The following IL17A variants were observed in gnomAD, a reference collection of about 807,000 sequenced individuals.
IL17A encodes interleukin 17A.
A neutral mutation model predicts 7.2 loss-of-function variants in IL17A; 1 was observed. That is an observed-to-expected ratio of 0.14 (90% CI 0.05 to 0.66). IL17A has a LOEUF of 0.66. Among genes scored for constraint, IL17A ranks in the 30% least tolerant of loss-of-function variants. The pLI is 0.84. For synonymous variants in IL17A, 90 were observed against 77.7 expected (o/e 1.16, Z -0.83); for missense variants, 191 against 197.1 (o/e 0.97, Z 0.18).
At chr6:52,188,909 C>A (rs1011001684) in intron 2 of IL17A, 146 bp from the exon 3 acceptor site, 3 of 523,760 alleles carry the variant, frequency 5.7e-6, no homozygotes, top group Non-Finnish European at 6.7e-6. Context: ...CCCCAAAGTT[C>A]TTCTTCAAAC....
At chr6:52,187,997 C>A (rs1483287536) in intron 2 of IL17A, among the ~76,000 whole-genome samples, 192 bp downstream of exon 2, 1 of 152,140 alleles carries the variant, frequency 6.6e-6, no homozygotes, top group Non-Finnish European at 1.5e-5. Context: ...CTCCAATAAT[C>A]CCTATCCTGT....
At position 52,186,465 on chromosome 6, in the gene IL17A, C is replaced by G. The variant is rs1226942213; in HGVS notation, c.27+7C>G. The G allele has an allele frequency of 6.2e-7, 1 of 1,613,758 alleles. No homozygotes were observed. The highest frequency in any genetic ancestry group is 1.1e-5 in the South Asian group (1 of 91,034). ...TGGGAAGACCTCATTGGTGGTGAGT[C>G]CTGCACTAACGTGCGATGCTCTTGC... On this transcript the variant is annotated splice_region_variant and intron_variant, in intron 1 of 2. Coordinates refer to ENST00000648244, the MANE Select transcript of IL17A (RefSeq NM_002190.3).
intron 1 of IL17A, 60 bp from the exon 2 acceptor site, chr6:52,187,543 A>G: frequency 7.4e-7 from 1 of 1,351,472 alleles, no homozygotes; most frequent in Non-Finnish European, 1.1e-6. Flanking sequence ...TTAATTTGTC[A>G]AAAAGAACCA....
At chr6:52,188,331 C>T (rs1763318900) in intron 2 of IL17A, among the ~76,000 whole-genome samples, 1 of 152,170 alleles carries the variant, frequency 6.6e-6, no homozygotes, top group Admixed American at 6.5e-5. Context: ...TTGCTGTATC[C>T]TTAGTATACC....
At chr6:52,188,658 G>A (rs1368535990) in intron 2 of IL17A, among the ~76,000 whole-genome samples, 2 of 152,196 alleles carry the variant, frequency 1.3e-5, no homozygotes, top group East Asian at 1.9e-4. Context: ...TTCAAAGACA[G>A]ACTTCATCAA....
Position 52,189,428 on chromosome 6 carries a change from T to C in IL17A, c.*136T>C. The C allele has an allele frequency of 1.6e-6, 1 of 628,760 alleles. No individual in the cohort carries two copies. Among genetic ancestry groups the C allele is most frequent in the Non-Finnish European group, 2.7e-6 (1 of 364,554 alleles). The allele number at this position is 628,760 out of a possible 1,614,324, so 38.9% of individuals were successfully genotyped here. On this transcript the variant is annotated 3_prime_UTR_variant, in exon 3 of 3. Transcript: ENST00000648244. ...AGAGTTCTTAAGGCAGTTTGTCCAA[T>C]TAAAGCTTCAGAGGTAACACTTGGC...
chr6:52,186,430 C>T lies in IL17A; in HGVS notation c.-2C>T, dbSNP rs763918114. 5.0e-6 allele frequency: 8 copies of T among 1,613,780 alleles called. No homozygotes were observed. Among genetic ancestry groups the T allele is most frequent in the South Asian group, 2.2e-5 (2 of 91,080 alleles). ...ATCCCCAGTTGATTGGAAGAAACAACGATGACTCCTGGGAAGACCTCATTG... is the reference window on the plus strand; with the variant it reads ...ATCCCCAGTTGATTGGAAGAAACAATGATGACTCCTGGGAAGACCTCATTG... On this transcript the variant is annotated 5_prime_UTR_variant, in exon 1 of 3. In the 5' UTR this introduces an upstream ATG that the reference lacks. Coordinates refer to ENST00000648244, the MANE Select transcript of IL17A (RefSeq NM_002190.3).
At position 52,189,139 on chromosome 6, in the gene IL17A, C is replaced by G; in HGVS notation, c.315C>G (p.Asn105Lys). ...TGGGCTGCATCAACGCTGATGGGAA[C>G]GTGGACTACCACATGAACTCTGTCC... ...RHLGCINADG[N>K]VDYHMNSVPI... The change falls in exon 3 of 3, where the codon AAC becomes AAG. Residue 105 changes from asparagine (N) to lysine (K), a missense_variant. Transcript: ENST00000648244. 1 of 1,614,130 alleles carries G rather than the reference C, an allele frequency of 6.2e-7. No individual in the cohort carries two copies. Among genetic ancestry groups the G allele is most frequent in the Non-Finnish European group, 8.5e-7 (1 of 1,179,994 alleles).
Position 52,189,006 on chromosome 6 carries a change from C to T in IL17A, c.231-49C>T, listed in dbSNP as rs543095230. On this transcript the variant is annotated intron_variant, in intron 2 of 2. Transcript: ENST00000648244. ...CATGTATTCCTGTTTTATTTCTTTCCCACTTTACCAGGAATTCACTTTCCT... is the reference window on the plus strand; with the variant it reads ...CATGTATTCCTGTTTTATTTCTTTCTCACTTTACCAGGAATTCACTTTCCT... 1.4e-5 allele frequency: 19 copies of T among 1,403,130 alleles called. No homozygotes were observed. The East Asian group carries it at 3.9e-4, about 29-fold the overall frequency. The allele number at this position is 1,403,130 out of a possible 1,614,324, so 86.9% of individuals were successfully genotyped here. A position where few individuals can be genotyped will look rare whatever the true frequency, so the allele number is the denominator to read the frequency against.
intron 1 of IL17A, among the ~76,000 whole-genome samples, chr6:52,186,950 AT>A (rs1763295616): frequency 6.6e-6 from 1 of 152,176 alleles, no homozygotes; most frequent in African/African-American, 2.4e-5. Context: ...TGGGGTTTAT[AT>A]TTTTTAAATA....
At position 52,189,057 on chromosome 6, in the gene IL17A, G is replaced by A. The variant is rs760902102; in HGVS notation, c.233G>A (p.Arg78His). Residue 78 changes from arginine (R) to histidine (H), a missense_variant and splice_region_variant, in exon 3 of 3, where the codon CGC (arginine) becomes CAC (histidine). Transcript: ENST00000648244. ...NRSTSPWNLH[R>H]NEDPERYPSV... ...CCTGATTTTTCTCCCCTCTGCAGCC[G>A]CAATGAGGACCCTGAGAGATATCCC... 49 of 1,607,462 alleles carry A rather than the reference G, an allele frequency of 3.0e-5. No homozygotes were observed. In the Admixed American group the frequency reaches 4.2e-4, roughly 14 times the overall value.
At chr6:52,188,362 G>C (rs1763319291) in intron 2 of IL17A, among the ~76,000 whole-genome samples, 1 of 152,100 alleles carries the variant, frequency 6.6e-6, no homozygotes, top group African/African-American at 2.4e-5. Context: ...ACCCCATCAA[G>C]GGTTAAATAC....
chr6:52,187,285 G>T (rs1318573899), intron 1 of IL17A, among the ~76,000 whole-genome samples: 1 of 152,178 alleles, frequency 6.6e-6, no homozygotes, highest in Non-Finnish European at 1.5e-5. Flanking sequence ...TGCATGTGCT[G>T]ATAGGCTAAT....
Position 52,189,565 on chromosome 6 carries a change from A to C in IL17A, c.*273A>C, listed in dbSNP as rs927991260. 3.0e-6 allele frequency: 1 copy of C among 332,740 alleles called. No homozygotes were observed. The highest frequency in any genetic ancestry group is 2.1e-5 in the African/African-American group (1 of 47,410). The allele number at this position is 332,740 out of a possible 1,614,324, so 20.6% of individuals were successfully genotyped here. On this transcript the variant is annotated 3_prime_UTR_variant, in exon 3 of 3. Coordinates refer to ENST00000648244, the MANE Select transcript of IL17A (RefSeq NM_002190.3). Reference sequence around the variant, plus strand: ...AGGGCTTTAAGTTATTTATGTATTTAATATGCCCTGAGATAACTTTGGGGT... The same window carrying C: ...AGGGCTTTAAGTTATTTATGTATTTCATATGCCCTGAGATAACTTTGGGGT...
rs545983405 is a variant in IL17A, at chr6:52,187,811, T to C, written c.230+6T>C. 6.2e-7 allele frequency: 1 copy of C among 1,609,924 alleles called. No homozygotes were observed. The highest frequency in any genetic ancestry group is 1.1e-5 in the South Asian group (1 of 90,942). The stretch of plus-strand genomic sequence containing the variant: ...ACCTCACCTTGGAATCTCCAGTACG[T>C]AAAGCTTCCAGATAAAAATGCTATA... On this transcript the variant is annotated splice_donor_region_variant and intron_variant, in intron 2 of 2. Transcript: ENST00000648244.
rs1421465287 is a variant in IL17A, at chr6:52,187,312, A to C, written c.28-291A>C. On this transcript the variant is annotated intron_variant, in intron 1 of 2. Coordinates refer to ENST00000648244, the MANE Select transcript of IL17A (RefSeq NM_002190.3). Reference sequence around the variant, plus strand: ...TAGGCTAATGACATGCCATGACTTGACATTTTTATTAAAATTATTGCCAAC... The same window carrying C: ...TAGGCTAATGACATGCCATGACTTGCCATTTTTATTAAAATTATTGCCAAC... Among the ~76,000 whole-genome samples, 2 of 152,224 alleles carry C rather than the reference A, an allele frequency of 1.3e-5. 1 individual carries two copies. Among genetic ancestry groups the C allele is most frequent in the Non-Finnish European group, 2.9e-5 (2 of 68,036 alleles).
rs200987402 is a variant in IL17A, at chr6:52,189,309, A to C, written c.*17A>C. On this transcript the variant is annotated 3_prime_UTR_variant, in exon 3 of 3. Transcript: ENST00000648244. ...GTGGCCTAAGAGCTCTGGGGAGCCC[A>C]CACTCCCCAAAGCAGTTAGACTATG... 115 of 1,590,232 alleles carry C rather than the reference A, an allele frequency of 7.2e-5. No homozygotes were observed. Among genetic ancestry groups the C allele is most frequent in the Middle Eastern group, 5.0e-4 (3 of 5,966 alleles).
chr6:52,188,317 A>G (rs2128261697), intron 2 of IL17A, among the ~76,000 whole-genome samples: 1 of 152,212 alleles, frequency 6.6e-6, no homozygotes, highest in East Asian at 1.9e-4. Flanking sequence ...TAACATACCT[A>G]TGCTTGCTGT....
At position 52,189,343 on chromosome 6, in the gene IL17A, A is replaced by C. The variant is rs772320550; in HGVS notation, c.*51A>C. The C allele has an allele frequency of 1.4e-6, 2 of 1,389,988 alleles. No individual in the cohort carries two copies. Among genetic ancestry groups the C allele is most frequent in the Non-Finnish European group, 1.0e-6 (1 of 988,316 alleles). 86.1% of individuals were successfully genotyped at this position (1,389,988 alleles called of 1,614,324 possible). A position where few individuals can be genotyped will look rare whatever the true frequency, so the allele number is the denominator to read the frequency against. ...AAAGCAGTTAGACTATGGAGAGCCGACCCAGCCCCTCAGGAACCCTCATCC... is the reference window on the plus strand; with the variant it reads ...AAAGCAGTTAGACTATGGAGAGCCGCCCCAGCCCCTCAGGAACCCTCATCC... On this transcript the variant is annotated 3_prime_UTR_variant, in exon 3 of 3. Transcript: ENST00000648244.
Sources: gnomAD v4.1 joint callset for allele counts (sites outside exome capture counted in the v4.1 genomes callset) on GRCh38, gnomAD v4.1.1 for gene constraint, MANE v1.5 for transcripts, NCBI Gene and HGNC (gene_info 2026-07-23, HGNC 2026-07-21) for gene names.